RAB11FIP3: variants seen among roughly 807,000 people sequenced by gnomAD.
RAB11FIP3 encodes the protein rab11 family-interacting protein 3.
RAB11FIP3 carries 17 observed loss-of-function variants against 77.8 expected under a neutral mutation model. The observed-to-expected ratio is 0.22, with a 90% CI of 0.15 to 0.33. The LOEUF (loss-of-function observed/expected upper bound fraction) is 0.33, where lower values mean the gene tolerates loss of function less well. Among genes scored for constraint, RAB11FIP3 ranks in the 10% least tolerant of loss-of-function variants. RAB11FIP3 has a pLI of 1.00. For missense variants in RAB11FIP3, 1,005 were observed against 1,011.2 expected, an observed-to-expected ratio of 0.99 and a Z score of 0.08; for synonymous variants, 437 against 448.2, an observed-to-expected ratio of 0.98 and a Z score of 0.31.
chr16:491,692 A>G (rs771653413), intron 5 of RAB11FIP3, among the ~76,000 whole-genome samples: 10 of 152,200 alleles, frequency 6.6e-5, no homozygotes, highest in Non-Finnish European at 1.5e-4. Flanking sequence ...TGAGCGTGTG[A>G]GGGAGCTCAC....
In RAB11FIP3 at chr16:461,448, G is replaced by C. The variant is rs1232100854; in HGVS notation, c.759G>C (p.Val253=). 3.1e-6 allele frequency: 5 copies of C among 1,613,880 alleles called. No homozygotes were observed. ...TKYLDPSGLG[V]ISFEDFYQGI... is the part of the protein sequence containing the mutation. ...ACTTGGATCCCAGTGGGCTCGGCGT[G>C]ATCAGCTTTGAAGACTTCTACCAAG... The change falls in exon 2 of 14, where the codon GTG becomes GTC. Residue 253 remains valine, a synonymous_variant. Coordinates refer to ENST00000262305, the MANE Select transcript of RAB11FIP3 (RefSeq NM_014700.4). This position sits in a 1 kb window ranked among gnomAD's most constrained non-coding sequence, Gnocchi z 4.5.
intron 1 of RAB11FIP3, among the ~76,000 whole-genome samples, chr16:431,712 C>T (rs2055039994): frequency 6.6e-6 from 1 of 151,788 alleles, no homozygotes; most frequent in African/African-American, 2.4e-5. Context: ...ACACAGGTGA[C>T]TGTCTATAAA....
chr16:484,739 TCTC>T (rs2141742852), intron 4 of RAB11FIP3, among the ~76,000 whole-genome samples: 1 of 152,332 alleles, frequency 6.6e-6, no homozygotes, highest in South Asian at 2.1e-4. Flanking sequence ...TAGAGTTGAC[TCTC>T]CTGTCGGCGG....
At chr16:476,433 C>T (rs1426478537) in intron 3 of RAB11FIP3, among the ~76,000 whole-genome samples, 1 of 152,158 alleles carries the variant, frequency 6.6e-6, no homozygotes, top group African/African-American at 2.4e-5. Flanking sequence ...ATAAGCAGGC[C>T]CCACTGCCCG....
chr16:489,035 T>G, intron 5 of RAB11FIP3, 35 bp downstream of exon 5: 2 of 1,597,880 alleles, frequency 1.3e-6, no homozygotes, highest in Non-Finnish European at 1.7e-6. Flanking sequence ...CCCTCCTCCC[T>G]CTTCTTCCCG....
Position 520,259 on chromosome 16 carries a change from G to A in RAB11FIP3, c.1998G>A (p.Glu666=), listed in dbSNP as rs1443749027. The A allele has an allele frequency of 6.5e-7, 1 of 1,547,096 alleles. No homozygotes were observed. The highest frequency in any genetic ancestry group is 8.7e-7 in the Non-Finnish European group (1 of 1,148,652). ...SRARESELEQ[E]VRRLKQDNRN... is the part of the protein sequence containing the mutation. Reference sequence around the variant, plus strand: ...CCCGGGAGAGCGAGCTGGAGCAGGAGGTCCGCAGGCTGAAGCAGGTGGGCA... The same window carrying A: ...CCCGGGAGAGCGAGCTGGAGCAGGAAGTCCGCAGGCTGAAGCAGGTGGGCA... Residue 666 remains glutamate, a synonymous_variant, in exon 12 of 14, where the codon GAG becomes GAA. Coordinates refer to ENST00000262305, the MANE Select transcript of RAB11FIP3 (RefSeq NM_014700.4).
intron 4 of RAB11FIP3, among the ~76,000 whole-genome samples, chr16:486,046 C>T (rs910867613): frequency 2.6e-5 from 4 of 152,182 alleles, no homozygotes; most frequent in Non-Finnish European, 4.4e-5. Context: ...GGACTACTGG[C>T]GCCCGCCACC....
chr16:465,885 G>A (rs1394445104), intron 2 of RAB11FIP3, among the ~76,000 whole-genome samples: 1 of 152,178 alleles, frequency 6.6e-6, no homozygotes, highest in Non-Finnish European at 1.5e-5. Flanking sequence ...GATTACAGAC[G>A]TGAGCCACCG....
intron 5 of RAB11FIP3, among the ~76,000 whole-genome samples, chr16:494,058 C>A (rs145190721): frequency 0.43 from 30,565 of 70,332 alleles, 6,763 homozygotes; most frequent in African/African-American, 0.57. Flanking sequence ...CGCCCATCAC[C>A]ACACCTGGCT....
chr16:460,361 GGTTT>G (rs1230194478), intron 1 of RAB11FIP3, among the ~76,000 whole-genome samples: 1 of 152,006 alleles, frequency 6.6e-6, no homozygotes, highest in African/African-American at 2.4e-5. Context: ...AGGATGTACA[GGTTT>G]GTTACATAGG....
intron 3 of RAB11FIP3, among the ~76,000 whole-genome samples, chr16:480,096 G>T (rs2056004552): frequency 6.6e-6 from 1 of 151,958 alleles, no homozygotes; most frequent in Non-Finnish European, 1.5e-5. Context: ...AGACTGGCCT[G>T]GCCAACGTGG....
chr16:467,233 G>A (rs1008429927), intron 2 of RAB11FIP3, among the ~76,000 whole-genome samples: 6 of 152,174 alleles, frequency 3.9e-5, no homozygotes, highest in African/African-American at 1.4e-4. Flanking sequence ...ATGTTTGGAG[G>A]CCACAGGGAG....
intron 5 of RAB11FIP3, chr16:491,055 C>T: frequency 8.3e-7 from 1 of 1,198,842 alleles, no homozygotes. Flanking sequence ...TGTCCTGTTC[C>T]CCTCGGCCCC....
At chr16:475,059 C>T in intron 3 of RAB11FIP3, 3 of 1,551,644 alleles carry the variant, frequency 1.9e-6, no homozygotes, top group Non-Finnish European at 2.6e-6. Context: ...TGTACAGAGC[C>T]AGGCCCAGCC....
At chr16:501,673 C>T (rs1371152519) in intron 6 of RAB11FIP3, among the ~76,000 whole-genome samples, 3 of 139,306 alleles carry the variant, frequency 2.2e-5, no homozygotes, top group Non-Finnish European at 4.5e-5. Context: ...AGAGAGGCTC[C>T]CCCCATTTCA....
chr16:426,558 C>A lies in RAB11FIP3; in HGVS notation c.552C>A (p.Pro184=). The A allele has an allele frequency of 6.3e-7, 1 of 1,587,242 alleles. No homozygotes were observed. The highest frequency in any genetic ancestry group is 8.6e-7 in the Non-Finnish European group (1 of 1,168,812). Residue 184 remains proline (P), a synonymous_variant, in exon 1 of 14, where the codon CCC becomes CCA. Coordinates refer to ENST00000262305, the MANE Select transcript of RAB11FIP3 (RefSeq NM_014700.4). The surrounding 1 kb of genome is among the most constrained non-coding windows in gnomAD (Gnocchi z 5.0). The part of the protein sequence containing the change: ...LEQGPGSPPQ[P]SDLSQTHPLP... ...AAGGTCCCGGGTCCCCGCCGCAGCC[C>A]TCGGACCTCAGCCAGACCCACCCCC...
rs113283440 is a variant in RAB11FIP3 at position 459,377 on chromosome 16, C to T, written c.715-2027C>T. Among the ~76,000 whole-genome samples, 575 of 151,454 alleles carry T rather than the reference C, an allele frequency of 3.8e-3. 4 individuals carry two copies. The highest frequency in any genetic ancestry group is 0.013 in the African/African-American group (542 of 41,272). On this transcript the variant is annotated intron_variant, in intron 1 of 13. Transcript: ENST00000262305. The stretch of plus-strand genomic sequence containing the variant: ...CGGACCTCAGGTGATCCGCCTGCTT[C>T]AGCCTCCCAAAGTGCTGGGATTATA...
chr16:465,058 C>A (rs759996694), intron 2 of RAB11FIP3, among the ~76,000 whole-genome samples: 7 of 152,058 alleles, frequency 4.6e-5, no homozygotes, highest in African/African-American at 7.2e-5. Context: ...AATCATTGGT[C>A]CCCTGAGTTC....
At chr16:518,334 G>T (rs1452835001) in intron 9 of RAB11FIP3, among the ~76,000 whole-genome samples, 1 of 152,204 alleles carries the variant, frequency 6.6e-6, no homozygotes, top group African/African-American at 2.4e-5. Flanking sequence ...TCCCGCATTG[G>T]CCTCCCAAAG....
Sources: allele counts gnomAD v4.1 joint callset (sites outside exome capture counted in the v4.1 genomes callset), GRCh38; gene constraint gnomAD v4.1.1; non-coding constraint Gnocchi (gnomAD v3.1); transcripts MANE v1.5; gene names NCBI Gene and HGNC (gene_info 2026-07-23, HGNC 2026-07-21).